ACOXL: variants seen among roughly 807,000 people sequenced by gnomAD.
ACOXL encodes acyl-CoA oxidase like.
ACOXL carries 70 observed loss-of-function variants against 71.9 expected under a neutral mutation model. That is an observed-to-expected ratio of 0.97 (90% confidence interval 0.80 to 1.19). The LOEUF (loss-of-function observed/expected upper bound fraction) is 1.19. ACOXL is among the 50% of genes most tolerant of loss of function. The pLI, the probability that ACOXL is intolerant of heterozygous loss-of-function variation, is 0.00. For missense variants in ACOXL, 703 were observed against 736.3 expected, an observed-to-expected ratio of 0.95 and a Z score of 0.52; for synonymous variants, 253 against 281.6, an observed-to-expected ratio of 0.90 and a Z score of 1.02.
chr2:110,855,026 C>G (rs1020893163), intron 10 of ACOXL, among the ~76,000 whole-genome samples: 1 of 152,202 alleles, frequency 6.6e-6, no homozygotes, highest in Non-Finnish European at 1.5e-5. Flanking sequence ...CTTTGAGAGT[C>G]TTCTTTTAAA....
intron 9 of ACOXL, among the ~76,000 whole-genome samples, chr2:110,823,810 A>G (rs1191706575): frequency 6.6e-6 from 1 of 152,068 alleles, no homozygotes; most frequent in Non-Finnish European, 1.5e-5. Context: ...TTTTATTTTC[A>G]GTTGAGTTGC....
At chr2:110,810,813 A>C (rs1378255450) in intron 9 of ACOXL, among the ~76,000 whole-genome samples, 1 of 152,246 alleles carries the variant, frequency 6.6e-6, no homozygotes, top group Non-Finnish European at 1.5e-5. Flanking sequence ...GACACTGGTT[A>C]ATTTATAAAG....
chr2:110,983,190 C>G (rs1200952199), intron 12 of ACOXL, among the ~76,000 whole-genome samples: 1 of 152,232 alleles, frequency 6.6e-6, no homozygotes, highest in Non-Finnish European at 1.5e-5. Flanking sequence ...GCAAACTCTA[C>G]TTGTTAGGCT....
intron 10 of ACOXL, chr2:110,887,244 A>T: frequency 5.9e-6 from 1 of 170,260 alleles, no homozygotes; most frequent in Non-Finnish European, 1.3e-5. Context: ...ATAGGACCAG[A>T]CCACTGATAT....
chr2:110,758,482 C>T (rs575386346), intron 1 of ACOXL, among the ~76,000 whole-genome samples: 1 of 152,166 alleles, frequency 6.6e-6, no homozygotes, highest in South Asian at 2.1e-4. Flanking sequence ...TTATTTGGGG[C>T]AGTATGGCCA....
intron 17 of ACOXL, chr2:111,100,671 C>T (rs376698265): frequency 1.3e-5 from 2 of 153,044 alleles, no homozygotes; most frequent in African/African-American, 2.4e-5. Flanking sequence ...ATTTTGGTGT[C>T]CCCCTGATTT....
chr2:111,038,713 T>G (rs1287039808), intron 15 of ACOXL, among the ~76,000 whole-genome samples: 2 of 152,218 alleles, frequency 1.3e-5, no homozygotes, highest in African/African-American at 4.8e-5. Context: ...TCATACACAC[T>G]CTAGATATAA....
intron 15 of ACOXL, among the ~76,000 whole-genome samples, chr2:111,038,866 C>A (rs2065648066): frequency 1.3e-5 from 2 of 152,138 alleles, no homozygotes; most frequent in South Asian, 4.1e-4. Context: ...CTCACATGAG[C>A]CACCCACACA....
At chr2:110,873,264 C>T (rs763975302) in intron 10 of ACOXL, among the ~76,000 whole-genome samples, 4 of 151,996 alleles carry the variant, frequency 2.6e-5, no homozygotes, top group Admixed American at 6.6e-5. Flanking sequence ...GTGGATTGGG[C>T]GCCCAGGCAC....
intron 15 of ACOXL, among the ~76,000 whole-genome samples, chr2:111,043,088 T>C (rs1244043479): frequency 6.6e-6 from 1 of 152,172 alleles, no homozygotes; most frequent in Non-Finnish European, 1.5e-5. Flanking sequence ...CTGGCTCCTG[T>C]GGGCTTTCAG....
intron 14 of ACOXL, among the ~76,000 whole-genome samples, chr2:111,006,305 G>A (rs2063869128): frequency 6.6e-6 from 1 of 152,232 alleles, no homozygotes; most frequent in Non-Finnish European, 1.5e-5. Context: ...CCATTACTCA[G>A]TGAGAGATTA....
intron 9 of ACOXL, among the ~76,000 whole-genome samples, chr2:110,832,411 G>A (rs1461334715): frequency 4.6e-5 from 7 of 151,998 alleles, no homozygotes; most frequent in Non-Finnish European, 7.4e-5. Context: ...GGTGGCGGGC[G>A]CCTGTAGTCC....
chr2:110,915,278 T>C (rs908881558), intron 11 of ACOXL, among the ~76,000 whole-genome samples: 3 of 151,312 alleles, frequency 2.0e-5, no homozygotes, highest in Admixed American at 1.3e-4. Context: ...ATGAGTTACA[T>C]TACTTTTCAA....
At position 110,920,489 on chromosome 2, in the gene ACOXL, A is replaced by G. The variant is rs116375435; in HGVS notation, c.905+11584A>G. On this transcript the variant is annotated intron_variant, in intron 11 of 17. Transcript: ENST00000439055. ...GTTCTAAATAGACTTTTTGCATCAT[A>G]TTTTTATTTGCAAATGTTTTCTCCA... Among the ~76,000 whole-genome samples the G allele has an allele frequency of 7.7e-3, 1,171 of 152,178 alleles. 17 individuals are homozygous for G. Among genetic ancestry groups the G allele is most frequent in the African/African-American group, 0.026 (1,087 of 41,538 alleles).
chr2:110,818,551 A>G (rs1688239160), intron 9 of ACOXL, among the ~76,000 whole-genome samples: 1 of 151,338 alleles, frequency 6.6e-6, no homozygotes, highest in African/African-American at 2.4e-5. Context: ...AAGTAGGTAT[A>G]TATATGTATG....
At position 110,872,247 on chromosome 2, in the gene ACOXL, G is replaced by C. The variant is rs955857538; in HGVS notation, c.788+30842G>C. ...AAGGATAAGCCTGGAACTGGTGTAG[G>C]ATCATTTGTTCTGCCTTCTTTTGGT... On this transcript the variant is annotated intron_variant, in intron 10 of 17. Coordinates refer to ENST00000439055, the MANE Select transcript of ACOXL (RefSeq NM_001142807.4). Among the ~76,000 whole-genome samples, 9 of 152,150 alleles carry C rather than the reference G, an allele frequency of 5.9e-5. No individual in the cohort carries two copies. In the East Asian group the frequency reaches 1.5e-3, roughly 26 times the overall value.
intron 10 of ACOXL, among the ~76,000 whole-genome samples, chr2:110,841,843 A>C (rs1458156810): frequency 3.3e-5 from 5 of 152,132 alleles, no homozygotes; most frequent in African/African-American, 7.2e-5. Flanking sequence ...AGTGGCAAAA[A>C]GCCCTATTTT....
At chr2:110,805,586 T>C (rs1221882545) in intron 9 of ACOXL, among the ~76,000 whole-genome samples, 191 bp downstream of exon 9, 4 of 151,770 alleles carry the variant, frequency 2.6e-5, no homozygotes, top group African/African-American at 7.3e-5. Context: ...TAAGAGGGGC[T>C]CCCACCCATC....
At chr2:111,106,616 C>G (rs937588062) in intron 17 of ACOXL, among the ~76,000 whole-genome samples, 3 of 152,168 alleles carry the variant, frequency 2.0e-5, no homozygotes, top group Non-Finnish European at 4.4e-5. Context: ...ACATGAACAT[C>G]TTGGCTATTA....
Sources: gnomAD v4.1 joint callset for allele counts (sites outside exome capture counted in the v4.1 genomes callset) on GRCh38, gnomAD v4.1.1 for gene constraint, MANE v1.5 for transcripts, NCBI Gene and HGNC (gene_info 2026-07-23, HGNC 2026-07-21) for gene names.